NDE1: variants seen among roughly 807,000 people sequenced by gnomAD.
The protein encoded by NDE1 is nuclear distribution protein nudE homolog 1.
Under a neutral mutation model 43.4 loss-of-function variants are expected in NDE1, and 28 were observed. The ratio of observed to expected loss-of-function variants is 0.65; its 90% confidence interval spans 0.48 to 0.89. The LOEUF is 0.89. Among genes scored for constraint, NDE1 ranks in the 40% least tolerant of loss-of-function variants. The pLI is 0.00. For synonymous variants in NDE1, 184 were observed against 172.0 expected (o/e 1.07, Z -0.55); for missense variants, 441 against 434.1 (o/e 1.02, Z -0.14).
At chr16:15,643,550 GA>G (rs1391078196) in exon 1 of NDE1, 1 of 347,958 alleles carries the variant, frequency 2.9e-6, no homozygotes, top group African/African-American at 2.4e-5. Context: ...GGATTTCAAT[GA>G]AAAACCCTGT....
intron 1 of NDE1, 103 bp downstream of exon 1, chr16:15,650,397 GGCCACCGCCTGGCAGGGACCCCTAC>G: frequency 6.1e-6 from 1 of 163,400 alleles, no homozygotes; most frequent in South Asian, 1.3e-4. Flanking sequence ...CGGGACCCCG[GGCCACCGCCTGGCAGGGACCCCTAC>G]GCCCCTCGCT....
Position 15,690,788 on chromosome 16 carries a change from A to G in NDE1, c.524-356A>G, listed in dbSNP as rs560821182. Among the ~76,000 whole-genome samples, 3 of 151,804 alleles carry G rather than the reference A, an allele frequency of 2.0e-5. No homozygotes were observed. In the East Asian group the frequency reaches 5.8e-4, roughly 29 times the overall value. On this transcript the variant is annotated intron_variant, in intron 5 of 8. Coordinates refer to ENST00000396354, the MANE Select transcript of NDE1 (RefSeq NM_017668.3). ...GAACCTCTCTCCCTGCACCCCACCA[A>G]CCCTAAGCAAGGACTTAAATTCCCT...
At chr16:15,714,682 G>A (rs939211719) in intron 8 of NDE1, 4 of 616,716 alleles carry the variant, frequency 6.5e-6, no homozygotes, top group Middle Eastern at 4.4e-4. Flanking sequence ...ACGGTCGATC[G>A]TTAAAGGATC....
At chr16:15,693,629 T>C (rs1173429642) in intron 6 of NDE1, among the ~76,000 whole-genome samples, 3 of 151,994 alleles carry the variant, frequency 2.0e-5, no homozygotes, top group African/African-American at 7.3e-5. Flanking sequence ...AGTGAGACCC[T>C]GTCTCTATTA....
chr16:15,664,811 G>C lies in NDE1; in HGVS notation c.33G>C (p.Glu11Asp). Residue 11 changes from glutamate to aspartate, a missense_variant, in exon 2 of 9, where the codon GAG becomes GAC. Physicochemically the swap from Glu to Asp is conservative, Grantham distance 45 (BLOSUM62 2). Coordinates refer to ENST00000396354, the MANE Select transcript of NDE1 (RefSeq NM_017668.3). The stretch of plus-strand genomic sequence containing the variant: ...ACTCCGGAAAGACTTTCAGCTCCGA[G>C]GAGGAAGAAGCTAACTATTGGAAAG... MEDSGKTFSS[E>D]EEEANYWKDL... The C allele has an allele frequency of 6.2e-7, 1 of 1,613,836 alleles. No individual in the cohort carries two copies.
At chr16:15,695,462 C>T (rs993695318) in intron 7 of NDE1, 7 of 968,778 alleles carry the variant, frequency 7.2e-6, no homozygotes, top group African/African-American at 1.9e-5. Flanking sequence ...GAGCTGAGAT[C>T]GCACCGCTGG....
intron 3 of NDE1, among the ~76,000 whole-genome samples, chr16:15,674,748 G>A (rs1354812150): frequency 6.6e-6 from 1 of 152,078 alleles, no homozygotes; most frequent in Non-Finnish European, 1.5e-5. Flanking sequence ...GTCTCACTCT[G>A]TTGCCCAGGT....
intron 8 of NDE1, among the ~76,000 whole-genome samples, chr16:15,704,280 T>C (rs952834847): frequency 1.3e-5 from 2 of 152,188 alleles, no homozygotes; most frequent in Non-Finnish European, 2.9e-5. Context: ...GATGCAGATA[T>C]TCAAGTTGAA....
At chr16:15,678,454 T>C (rs1440350335) in intron 4 of NDE1, among the ~76,000 whole-genome samples, 1 of 152,088 alleles carries the variant, frequency 6.6e-6, no homozygotes, top group Non-Finnish European at 1.5e-5. Context: ...AATCCCTGCC[T>C]CCTGGATTCA....
At position 15,694,217 on chromosome 16, in the gene NDE1, A is replaced by G; in HGVS notation, c.756A>G (p.Ser252=). 1 of 1,613,658 alleles carries G rather than the reference A, an allele frequency of 6.2e-7. No homozygotes were observed. Among genetic ancestry groups the G allele is most frequent in the Non-Finnish European group, 8.5e-7 (1 of 1,180,016 alleles). The change falls in exon 7 of 9, where the codon TCA becomes TCG. Residue 252 remains serine (S), a synonymous_variant. Transcript: ENST00000396354. ...GTPLTPAARI[S]ALNIVGDLLR... ...CCCTCACACCTGCGGCCCGGATATC[A>G]GCCCTCAACATTGTGGGAGACCTAC...
At chr16:15,663,849 T>C (rs2037171094) in intron 1 of NDE1, among the ~76,000 whole-genome samples, 1 of 151,942 alleles carries the variant, frequency 6.6e-6, no homozygotes, top group Non-Finnish European at 1.5e-5. Flanking sequence ...GGTGGTTCAC[T>C]TGAGGTCAGG....
At chr16:15,710,840 G>C (rs1316197057) in intron 8 of NDE1, among the ~76,000 whole-genome samples, 1 of 152,110 alleles carries the variant, frequency 6.6e-6, no homozygotes, top group East Asian at 1.9e-4. Context: ...ACCACGCCTA[G>C]CTGATTTTTG....
intron 8 of NDE1, chr16:15,719,003 C>T: frequency 1.7e-6 from 1 of 603,086 alleles, no homozygotes; most frequent in Non-Finnish European, 3.0e-6. Flanking sequence ...TGGTACACAC[C>T]TGTAGTCTCA....
At chr16:15,666,271 A>G (rs939151769) in intron 2 of NDE1, among the ~76,000 whole-genome samples, 4 of 151,998 alleles carry the variant, frequency 2.6e-5, no homozygotes, top group African/African-American at 9.7e-5. Flanking sequence ...GGGTCTTTAT[A>G]ATTTGTACAT....
Position 15,691,202 on chromosome 16 carries a change from C to T in NDE1, c.582C>T (p.Pro194=). The T allele has an allele frequency of 6.2e-7, 1 of 1,614,180 alleles. No individual in the cohort carries two copies. The highest frequency in any genetic ancestry group is 8.5e-7 in the Non-Finnish European group (1 of 1,180,038). The stretch of plus-strand genomic sequence containing the variant: ...AGGAGAAACCCAGGACCCCCATGCC[C>T]AGCTCAGTGGAAGCTGAGAGGACAG... The part of the protein sequence containing the change: ...QKQEKPRTPM[P]SSVEAERTDT... The change falls in exon 6 of 9, where the codon CCC becomes CCT. Residue 194 remains proline, a synonymous_variant. Coordinates refer to ENST00000396354, the MANE Select transcript of NDE1 (RefSeq NM_017668.3).
Position 15,721,011 on chromosome 16 carries a change from T to A in NDE1, c.948-3180T>A. 1 of 1,614,104 alleles carries A rather than the reference T, an allele frequency of 6.2e-7. No homozygotes were observed. ...CAGCTGCGTCTTCATCTCCTCCATCTGGGTCTCCAGGGCCCGCTTGGACTT... is the reference window on the plus strand; with the variant it reads ...CAGCTGCGTCTTCATCTCCTCCATCAGGGTCTCCAGGGCCCGCTTGGACTT... On this transcript the variant is annotated intron_variant, in intron 8 of 8. Transcript: ENST00000396354.
chr16:15,719,532 G>T, intron 8 of NDE1: 1 of 1,611,780 alleles, frequency 6.2e-7, no homozygotes, highest in Non-Finnish European at 8.5e-7. Flanking sequence ...GCTGCCAAGG[G>T]GTGCTACCGT....
intron 6 of NDE1, among the ~76,000 whole-genome samples, chr16:15,691,641 T>G (rs575816630): frequency 6.3e-5 from 6 of 95,376 alleles, no homozygotes; most frequent in East Asian, 5.7e-4. Context: ...TCTTTTTTTT[T>G]GTTGGGTTTT....
At chr16:15,720,104 A>G (rs1314901601) in intron 8 of NDE1, 2 of 1,613,088 alleles carry the variant, frequency 1.2e-6, no homozygotes, top group African/African-American at 1.3e-5. Context: ...CCTGAGGGGA[A>G]CTGTGCCCTC....
Sources: allele counts gnomAD v4.1 joint callset (sites outside exome capture counted in the v4.1 genomes callset), GRCh38; gene constraint gnomAD v4.1.1; transcripts MANE v1.5; gene names NCBI Gene and HGNC (gene_info 2026-07-23, HGNC 2026-07-21).